Variants in NINJ2 observed in about 807,000 individuals in gnomAD.
The protein encoded by NINJ2 is ninjurin 2, also known as ninjurin-2.
Under a neutral mutation model 11.7 loss-of-function variants are expected in NINJ2, and 12 were observed. The observed-to-expected ratio is 1.02, with a 90% CI of 0.66 to 1.66. The LOEUF (loss-of-function observed/expected upper bound fraction) is 1.66. Among genes scored for constraint, NINJ2 ranks in the 40% most tolerant of loss-of-function variants. The probability of loss-of-function intolerance (pLI) is 0.00; values close to 1 mark genes in which losing one functional copy is unlikely to be tolerated. For missense variants in NINJ2, 187 were observed against 181.8 expected (o/e 1.03, Z -0.16); for synonymous variants, 93 against 76.8 (o/e 1.21, Z -1.10).
intron 1 of NINJ2, chr12:610,562 T>G: frequency 6.9e-7 from 1 of 1,455,112 alleles, no homozygotes; most frequent in East Asian, 2.5e-5. Context: ...ACAGCTTCAC[T>G]GGTGGGTTAG....
At chr12:619,063 G>T (rs1948124498) in intron 1 of NINJ2, among the ~76,000 whole-genome samples, 1 of 152,254 alleles carries the variant, frequency 6.6e-6, no homozygotes, top group South Asian at 2.1e-4. Context: ...GCCTTGTGGA[G>T]AAATAGTTGG....
rs779253115 is a variant in NINJ2, at chr12:628,445, C to T, written c.33+34883G>A. 6.6e-6 allele frequency among the ~76,000 whole-genome samples: 1 copy of T among 152,178 alleles called. No homozygotes were observed. The highest frequency in any genetic ancestry group is 2.4e-5 in the African/African-American group (1 of 41,468). On this transcript the variant is annotated intron_variant, in intron 1 of 3. Transcript: ENST00000305108. The surrounding 1 kb of genome is among the most constrained non-coding windows in gnomAD (Gnocchi z 4.4). ...GACACTCTTCCTGGCTTTTCTGGTA[C>T]AGAGTGACCAACATAACAGTTAATA...
intron 1 of NINJ2, among the ~76,000 whole-genome samples, chr12:647,221 C>T (rs1244881877): frequency 6.6e-6 from 1 of 152,236 alleles, no homozygotes. Flanking sequence ...TAGCTCTCTT[C>T]CCTCTCCTGA....
intron 1 of NINJ2, among the ~76,000 whole-genome samples, chr12:653,483 G>A (rs182296686): frequency 2.4e-4 from 36 of 152,200 alleles, no homozygotes; most frequent in African/African-American, 7.7e-4. Flanking sequence ...GAACAGGATG[G>A]AGGAATTAGG....
intron 1 of NINJ2, among the ~76,000 whole-genome samples, chr12:568,267 G>A (rs78138622): frequency 1.4e-3 from 208 of 152,272 alleles, no homozygotes; most frequent in African/African-American, 4.6e-3. Context: ...TTGGGCACTC[G>A]TCTTTGGAGA....
intron 1 of NINJ2, among the ~76,000 whole-genome samples, chr12:642,052 G>A (rs1396859409): frequency 6.6e-6 from 1 of 152,190 alleles, no homozygotes; most frequent in African/African-American, 2.4e-5. Flanking sequence ...CCGTATTTCG[G>A]TTTGACAGCC....
intron 1 of NINJ2, among the ~76,000 whole-genome samples, chr12:573,581 AC>A: frequency 1.3e-5 from 2 of 152,144 alleles, no homozygotes; most frequent in Admixed American, 1.3e-4. Flanking sequence ...TCCATCTAAA[AC>A]AAAAAAAACA....
At chr12:627,575 TGGGTTGGGTGTTCATGAG>T (rs1948223714) in intron 1 of NINJ2, among the ~76,000 whole-genome samples, 1 of 152,196 alleles carries the variant, frequency 6.6e-6, no homozygotes, top group Admixed American at 6.5e-5. Context: ...GAGCCTCGAA[TGGGTTGGGTGTTCATGAG>T]AGGCAGGGGC....
In NINJ2 at chr12:565,962, G is replaced by T; in HGVS notation, c.250C>A (p.Leu84Ile). The change falls in exon 2 of 4, where the codon CTC (leucine) becomes ATC (isoleucine). Residue 84 changes from leucine (L) to isoleucine (I), a missense_variant. By Grantham distance (5) the Leu-to-Ile change is conservative. Coordinates refer to ENST00000305108, the MANE Select transcript of NINJ2 (RefSeq NM_016533.6). Reference protein sequence around the residue: ...LLLQVVIGVLLVVIARLNLNE... With the variant: ...LLLQVVIGVLIVVIARLNLNE... ...CTGGGCTCCTCACCAATGACCACGA[G>T]CAGGACACCGATGACCACCTGCAGG... 6.2e-7 allele frequency: 1 copy of T among 1,614,178 alleles called. No homozygotes were observed. The highest frequency in any genetic ancestry group is 8.5e-7 in the Non-Finnish European group (1 of 1,179,974).
intron 1 of NINJ2, among the ~76,000 whole-genome samples, chr12:600,466 G>A (rs1392305721): frequency 6.6e-6 from 1 of 152,130 alleles, no homozygotes; most frequent in East Asian, 1.9e-4. Flanking sequence ...TGAGGCGGGA[G>A]AATCACTTGA....
intron 1 of NINJ2, among the ~76,000 whole-genome samples, chr12:641,349 T>C (rs949671130): frequency 3.4e-5 from 5 of 145,482 alleles, no homozygotes; most frequent in African/African-American, 1.3e-4. Flanking sequence ...ATTCTCTAGG[T>C]TGATGTCTAC....
intron 1 of NINJ2, among the ~76,000 whole-genome samples, chr12:637,776 G>A (rs531216669): frequency 6.6e-6 from 1 of 152,296 alleles, no homozygotes; most frequent in South Asian, 2.1e-4. Flanking sequence ...TGGCAACCAG[G>A]TGTTGCTGGT....
At position 653,590 on chromosome 12, in the gene NINJ2, T is replaced by A. The variant is rs539459379; in HGVS notation, c.33+9738A>T. ...TTTGTTGTACTTGTAAACTGCAAACTCCAGGGCAATAACTAAAAAAAGTTA... is the reference window on the plus strand; with the variant it reads ...TTTGTTGTACTTGTAAACTGCAAACACCAGGGCAATAACTAAAAAAAGTTA... On this transcript the variant is annotated intron_variant, in intron 1 of 3. Transcript: ENST00000305108. Among the ~76,000 whole-genome samples the A allele has an allele frequency of 2.0e-5, 3 of 151,504 alleles. No homozygotes were observed. In the South Asian group the frequency reaches 6.2e-4, roughly 31 times the overall value.
intron 1 of NINJ2, among the ~76,000 whole-genome samples, chr12:599,164 C>T (rs1293916924): frequency 1.3e-5 from 2 of 151,618 alleles, no homozygotes; most frequent in Non-Finnish European, 2.9e-5. Flanking sequence ...GATGGATCAC[C>T]TGAGGTCAGG....
chr12:568,396 G>A (rs571759089), intron 1 of NINJ2, among the ~76,000 whole-genome samples: 14 of 152,178 alleles, frequency 9.2e-5, no homozygotes, highest in South Asian at 8.3e-4. Context: ...TCAGCCCCAC[G>A]TCTCCACCCT....
chr12:575,086 C>T (rs535795015), intron 1 of NINJ2, among the ~76,000 whole-genome samples: 12 of 152,372 alleles, frequency 7.9e-5, no homozygotes, highest in Middle Eastern at 3.4e-3. Context: ...TTGAAGTAGG[C>T]ACCATTTATG....
chr12:601,978 G>A (rs183400998), intron 1 of NINJ2, among the ~76,000 whole-genome samples: 2 of 152,192 alleles, frequency 1.3e-5, no homozygotes, highest in African/African-American at 4.8e-5. Flanking sequence ...CCATTTTAAG[G>A]TACTGACATC....
intron 1 of NINJ2, among the ~76,000 whole-genome samples, chr12:615,971 G>A (rs1948086698): frequency 1.3e-5 from 2 of 152,232 alleles, no homozygotes; most frequent in Non-Finnish European, 2.9e-5. Flanking sequence ...CATTCCAGGG[G>A]GTTTTAGCTA....
chr12:604,927 G>A (rs758151083), intron 1 of NINJ2, among the ~76,000 whole-genome samples: 1 of 152,218 alleles, frequency 6.6e-6, no homozygotes. Flanking sequence ...TCCAGGAACT[G>A]GTTTAGGTCC....
Sources: allele counts gnomAD v4.1 joint callset (sites outside exome capture counted in the v4.1 genomes callset), GRCh38; gene constraint gnomAD v4.1.1; non-coding constraint Gnocchi (gnomAD v3.1); transcripts MANE v1.5; gene names NCBI Gene and HGNC (gene_info 2026-07-23, HGNC 2026-07-21).